The following PLCL2 variants were observed in gnomAD, a reference collection of about 807,000 sequenced individuals.
PLCL2 encodes the protein inactive phospholipase C-like protein 2.
In PLCL2, 4 loss-of-function variants were observed where a neutral mutation model predicts 79.6. The observed-to-expected ratio is 0.05, with a 90% confidence interval of 0.02 to 0.11. PLCL2 has a LOEUF of 0.11. Ranked by LOEUF, PLCL2 falls within the 10% of genes least tolerant of loss-of-function variation. PLCL2 has a pLI of 1.00. For synonymous variants in PLCL2, 484 were observed against 457.7 expected (o/e 1.06, Z -0.73); for missense variants, 895 against 1,291.0 (o/e 0.69, Z 4.70).
intron 4 of PLCL2, among the ~76,000 whole-genome samples, chr3:17,049,475 A>G (rs1037584108): frequency 3.3e-5 from 5 of 152,216 alleles, no homozygotes; most frequent in African/African-American, 1.2e-4. Flanking sequence ...AAACAAATGC[A>G]GTAAAGCTGT....
intron 1 of PLCL2, among the ~76,000 whole-genome samples, chr3:16,944,943 A>G (rs1317728289): frequency 6.6e-6 from 1 of 151,980 alleles, no homozygotes; most frequent in Non-Finnish European, 1.5e-5. Context: ...TACTTTTAGT[A>G]GAGACGGGGT....
intron 1 of PLCL2, among the ~76,000 whole-genome samples, chr3:16,901,828 G>C (rs933685124): frequency 2.6e-5 from 4 of 152,192 alleles, no homozygotes; most frequent in African/African-American, 7.2e-5. Context: ...TGTATCTAAA[G>C]AGTGTCTGTG....
chr3:16,933,599 C>T lies in PLCL2; in HGVS notation c.327+48233C>T, dbSNP rs566351544. Among the ~76,000 whole-genome samples the T allele has an allele frequency of 6.5e-4, 99 of 152,208 alleles. 1 individual carries two copies. The highest frequency in any genetic ancestry group is 4.3e-3 in the Admixed American group (66 of 15,298). ...CTTTTTCATACACTGTAGCAGCATA[C>T]TAGAATATTGTTCAGCATTTTTATT... On this transcript the variant is annotated intron_variant, in intron 1 of 5. Transcript: ENST00000615277.
chr3:17,035,472 G>A (rs758178137), intron 3 of PLCL2, among the ~76,000 whole-genome samples: 2 of 152,038 alleles, frequency 1.3e-5, no homozygotes, highest in African/African-American at 4.8e-5. Flanking sequence ...ATCAGCCTTG[G>A]AGTCCTCCTC....
At chr3:16,996,193 T>C (rs553630334) in intron 1 of PLCL2, among the ~76,000 whole-genome samples, 102 of 152,288 alleles carry the variant, frequency 6.7e-4, no homozygotes, top group South Asian at 2.7e-3. Context: ...AGTCCCAGGC[T>C]TAGCACATGG....
At chr3:16,996,371 G>T (rs1157235968) in intron 1 of PLCL2, among the ~76,000 whole-genome samples, 1 of 152,046 alleles carries the variant, frequency 6.6e-6, no homozygotes, top group African/African-American at 2.4e-5. Flanking sequence ...GAAGAGAGTA[G>T]ACCACCCTCT....
At chr3:16,953,234 A>G (rs902473691) in intron 1 of PLCL2, among the ~76,000 whole-genome samples, 1 of 152,176 alleles carries the variant, frequency 6.6e-6, no homozygotes, top group Non-Finnish European at 1.5e-5. Context: ...CATCACATGT[A>G]ATGCATTATA....
chr3:16,937,437 A>AT (rs1385291124), intron 1 of PLCL2, among the ~76,000 whole-genome samples: 8 of 152,192 alleles, frequency 5.3e-5, no homozygotes, highest in Non-Finnish European at 1.2e-4. Context: ...AAGGGTAGGA[A>AT]TCATGGTATT....
intron 1 of PLCL2, among the ~76,000 whole-genome samples, chr3:16,998,544 C>G (rs1230121074): frequency 6.6e-6 from 1 of 152,160 alleles, no homozygotes; most frequent in African/African-American, 2.4e-5. Flanking sequence ...GTATTAACAT[C>G]ATTATTTTCA....
chr3:17,051,192 C>T lies in PLCL2; in HGVS notation c.3094+8243C>T, dbSNP rs192398173. 4.1e-3 allele frequency among the ~76,000 whole-genome samples: 619 copies of T among 152,072 alleles called. 1 individual carries two copies. The highest frequency in any genetic ancestry group is 7.3e-3 in the Non-Finnish European group (497 of 67,974). On this transcript the variant is annotated intron_variant, in intron 4 of 5. Transcript: ENST00000615277. ...GCGGGGGAGGTGGGGATGGTTAATGCGTACCAAAAAATAAAAGTTAGGAAG... is the reference window on the plus strand; with the variant it reads ...GCGGGGGAGGTGGGGATGGTTAATGTGTACCAAAAAATAAAAGTTAGGAAG...
chr3:16,908,272 G>A (rs557079128), intron 1 of PLCL2, among the ~76,000 whole-genome samples: 5 of 151,926 alleles, frequency 3.3e-5, no homozygotes, highest in East Asian at 1.9e-4. Context: ...TCCAGACACC[G>A]TATTATCCAT....
At chr3:17,063,102 G>C (rs983089955) in intron 4 of PLCL2, among the ~76,000 whole-genome samples, 3 of 151,284 alleles carry the variant, frequency 2.0e-5, no homozygotes, top group Non-Finnish European at 4.4e-5. Context: ...TAAATATGCA[G>C]ATGATCATCA....
chr3:16,957,088 T>C (rs541526070), intron 1 of PLCL2, among the ~76,000 whole-genome samples: 1 of 152,348 alleles, frequency 6.6e-6, no homozygotes, highest in South Asian at 2.1e-4. Flanking sequence ...ATGTGTTTGC[T>C]GTTGCTTTTC....
intron 1 of PLCL2, among the ~76,000 whole-genome samples, chr3:17,004,333 C>T (rs906261354): frequency 6.6e-6 from 1 of 152,098 alleles, no homozygotes; most frequent in African/African-American, 2.4e-5. Context: ...TCTGAGCCCT[C>T]ATAGACTCTG....
intron 1 of PLCL2, among the ~76,000 whole-genome samples, chr3:16,926,519 T>G (rs528650590): frequency 1.3e-5 from 2 of 152,344 alleles, no homozygotes; most frequent in South Asian, 4.1e-4. Flanking sequence ...TTAAATGTAA[T>G]TTTTTGAAAG....
chr3:16,892,857 G>A (rs1483570570), intron 1 of PLCL2, among the ~76,000 whole-genome samples: 1 of 152,174 alleles, frequency 6.6e-6, no homozygotes, highest in Non-Finnish European at 1.5e-5. Flanking sequence ...CAAGGTTAGA[G>A]AGGCTGTAAG....
rs540300114 is a variant in PLCL2, at chr3:17,004,754, A to G, written c.328-4920A>G. On this transcript the variant is annotated intron_variant, in intron 1 of 5. Coordinates refer to ENST00000615277, the MANE Select transcript of PLCL2 (RefSeq NM_001144382.2). ...GGTCAGGCCTTGCTGTGCTCATTTA[A>G]TGGACTTCAAGTTCTTTCTTGGGTT... 1.8e-4 allele frequency among the ~76,000 whole-genome samples: 27 copies of G among 152,208 alleles called. 1 individual carries two copies. In the South Asian group the frequency reaches 5.6e-3, roughly 32 times the overall value.
chr3:16,907,836 C>T (rs1696785885), intron 1 of PLCL2, among the ~76,000 whole-genome samples: 1 of 152,060 alleles, frequency 6.6e-6, no homozygotes, highest in Non-Finnish European at 1.5e-5. Flanking sequence ...TGGTTGTTTG[C>T]TTTACCTGCC....
At position 16,988,325 on chromosome 3, in the gene PLCL2, C is replaced by T. The variant is rs539373553; in HGVS notation, c.328-21349C>T. Among the ~76,000 whole-genome samples the T allele has an allele frequency of 6.2e-4, 95 of 152,282 alleles. No individual in the cohort carries two copies. In the Middle Eastern group the frequency reaches 0.01, roughly 16 times the overall value. On this transcript the variant is annotated intron_variant, in intron 1 of 5. Coordinates refer to ENST00000615277, the MANE Select transcript of PLCL2 (RefSeq NM_001144382.2). ...AGTTCTGTCATGGTGAAGGAAAGAG[C>T]GCTTTAAGCACCCTTTCATGTGAGT...
Sources: gnomAD v4.1 joint callset for allele counts (sites outside exome capture counted in the v4.1 genomes callset) on GRCh38, gnomAD v4.1.1 for gene constraint, MANE v1.5 for transcripts, NCBI Gene and HGNC (gene_info 2026-07-23, HGNC 2026-07-21) for gene names.